The following CYYR1 variants were observed in gnomAD, a reference collection of about 807,000 sequenced individuals.
CYYR1 encodes the protein cysteine and tyrosine rich 1.
CYYR1 carries 14 observed loss-of-function variants against 15.2 expected under a neutral mutation model. That is an observed-to-expected ratio of 0.92 (90% CI 0.61 to 1.44). CYYR1 has a LOEUF of 1.44. Ranked by LOEUF, CYYR1 falls within the 40% of genes most tolerant of loss-of-function variation. The pLI, the probability that CYYR1 is intolerant of heterozygous loss-of-function variation, is 0.00. For missense variants in CYYR1, 228 were observed against 209.5 expected (o/e 1.09, Z -0.54); for synonymous variants, 80 against 77.4 (o/e 1.03, Z -0.18).
rs570588324 is a variant in CYYR1, at chr21:26,506,212, C to T, written c.177-25783G>A. On this transcript the variant is annotated intron_variant, in intron 2 of 3. Coordinates refer to ENST00000652641, the MANE Select transcript of CYYR1 (RefSeq NM_001320768.2). ...TTGAAGTCCTCTTTCTTTTCCCTAG[C>T]TAGACTTTAATTCTCACCCATTAAT... 5.9e-5 allele frequency among the ~76,000 whole-genome samples: 9 copies of T among 152,250 alleles called. No individual in the cohort carries two copies. In the South Asian group the frequency reaches 1.9e-3, roughly 32 times the overall value.
chr21:26,520,111 GAGATATATAT>G (rs776833752), intron 2 of CYYR1, among the ~76,000 whole-genome samples: 29 of 83,150 alleles, frequency 3.5e-4, no homozygotes, highest in African/African-American at 1.0e-3. Context: ...AAAAACCCAG[GAGATATATAT>G]ATATATATAT....
intron 2 of CYYR1, among the ~76,000 whole-genome samples, chr21:26,488,544 T>C (rs1192413098): frequency 6.6e-6 from 1 of 152,126 alleles, no homozygotes; most frequent in Non-Finnish European, 1.5e-5. Flanking sequence ...TGAGCCACCA[T>C]GCCTGGCGAG....
At chr21:26,525,966 A>G (rs999518331) in intron 2 of CYYR1, among the ~76,000 whole-genome samples, 1 of 151,658 alleles carries the variant, frequency 6.6e-6, no homozygotes, top group Non-Finnish European at 1.5e-5. Flanking sequence ...AAGCTAAATG[A>G]TGAGAACACA....
At chr21:26,542,871 T>C (rs1429043790) in intron 2 of CYYR1, among the ~76,000 whole-genome samples, 1 of 152,166 alleles carries the variant, frequency 6.6e-6, no homozygotes, top group Non-Finnish European at 1.5e-5. Context: ...CAATTCCATG[T>C]ATTAGGGTGT....
At chr21:26,540,273 G>A (rs1474761097) in intron 2 of CYYR1, among the ~76,000 whole-genome samples, 3 of 152,112 alleles carry the variant, frequency 2.0e-5, no homozygotes, top group South Asian at 2.1e-4. Context: ...ACCATAAATT[G>A]GAAGTGAATC....
chr21:26,477,571 C>T (rs990646862), intron 3 of CYYR1: 1 of 372,994 alleles, frequency 2.7e-6, no homozygotes, highest in African/African-American at 2.2e-5. Context: ...CCTTACATTA[C>T]TATCGTGACA....
Position 26,573,266 on chromosome 21 carries a change from T to G in CYYR1, c.-326A>C. On this transcript the variant is annotated 5_prime_UTR_variant, in exon 1 of 4. Coordinates refer to ENST00000652641, the MANE Select transcript of CYYR1 (RefSeq NM_001320768.2). ...TGGCCACCCAGGCTCACATTTCATC[T>G]CCGCGGGTGGCAACGACTGCGGGCA... The G allele has an allele frequency of 7.5e-7, 1 of 1,325,136 alleles. No homozygotes were observed. The highest frequency in any genetic ancestry group is 9.8e-7 in the Non-Finnish European group (1 of 1,021,438). 82.1% of individuals were successfully genotyped at this position (1,325,136 alleles called of 1,614,324 possible).
At chr21:26,531,441 G>A (rs2065929305) in intron 2 of CYYR1, among the ~76,000 whole-genome samples, 1 of 152,148 alleles carries the variant, frequency 6.6e-6, no homozygotes, top group African/African-American at 2.4e-5. Context: ...GAATCCTGGT[G>A]GGAGGGGATT....
At chr21:26,543,778 C>T (rs1447418358) in intron 2 of CYYR1, among the ~76,000 whole-genome samples, 1 of 151,974 alleles carries the variant, frequency 6.6e-6, no homozygotes, top group Non-Finnish European at 1.5e-5. Context: ...TGGTTGTGGA[C>T]GTCTGTAATC....
intron 3 of CYYR1, among the ~76,000 whole-genome samples, chr21:26,479,125 T>C (rs146747703): frequency 6.6e-6 from 1 of 152,218 alleles, no homozygotes; most frequent in African/African-American, 2.4e-5. Flanking sequence ...GTTGTAATAC[T>C]CTTAATACAG....
intron 2 of CYYR1, among the ~76,000 whole-genome samples, chr21:26,536,520 A>G (rs1380079517): frequency 1.3e-5 from 2 of 152,160 alleles, no homozygotes; most frequent in Non-Finnish European, 2.9e-5. Flanking sequence ...CATTTTAAAC[A>G]CCATTGCCTC....
At chr21:26,557,021 C>G (rs1979838369) in intron 2 of CYYR1, among the ~76,000 whole-genome samples, 1 of 152,092 alleles carries the variant, frequency 6.6e-6, no homozygotes, top group Non-Finnish European at 1.5e-5. Context: ...GTAGCAGAAA[C>G]AGGCCAAGTA....
chr21:26,572,231 C>T (rs545508787), intron 1 of CYYR1, among the ~76,000 whole-genome samples: 1 of 152,274 alleles, frequency 6.6e-6, no homozygotes, highest in South Asian at 2.1e-4. Flanking sequence ...ATTTGGGGCT[C>T]CATATTAATC....
chr21:26,473,610 C>G (rs974804171), intron 3 of CYYR1, among the ~76,000 whole-genome samples: 1 of 152,202 alleles, frequency 6.6e-6, no homozygotes, highest in Non-Finnish European at 1.5e-5. Context: ...TCACCGCACC[C>G]TCTTTCCCTG....
intron 2 of CYYR1, among the ~76,000 whole-genome samples, chr21:26,554,662 G>C (rs1483436599): frequency 6.6e-6 from 1 of 152,176 alleles, no homozygotes; most frequent in Non-Finnish European, 1.5e-5. Flanking sequence ...GAGCCAGAGA[G>C]ACAGCCTGTG....
intron 2 of CYYR1, among the ~76,000 whole-genome samples, chr21:26,529,807 C>T (rs73180808): frequency 0.023 from 3,487 of 152,258 alleles, 54 homozygotes; most frequent in Middle Eastern, 0.058. Context: ...TAGCTGTTTG[C>T]TGGAATGATG....
chr21:26,536,785 TC>T (rs67710762), intron 2 of CYYR1, among the ~76,000 whole-genome samples: 3,230 of 152,278 alleles, frequency 0.021, 54 homozygotes, highest in Non-Finnish European at 0.034. Context: ...TTTCATCTGT[TC>T]CTTGATCTTC....
At chr21:26,472,826 A>G (rs968864559) in intron 3 of CYYR1, among the ~76,000 whole-genome samples, 9 of 152,256 alleles carry the variant, frequency 5.9e-5, no homozygotes, top group African/African-American at 2.2e-4. Flanking sequence ...TGTTATTTCC[A>G]AGTTTAAAAA....
chr21:26,483,497 A>G (rs770992392), intron 2 of CYYR1: 13 of 850,910 alleles, frequency 1.5e-5, no homozygotes, highest in Non-Finnish European at 1.8e-5. Flanking sequence ...AAAGAACAGG[A>G]CAAACTGAGA....
Sources: gnomAD v4.1 joint callset for allele counts (sites outside exome capture counted in the v4.1 genomes callset) on GRCh38, gnomAD v4.1.1 for gene constraint, MANE v1.5 for transcripts, NCBI Gene and HGNC (gene_info 2026-07-23, HGNC 2026-07-21) for gene names.